The following AXIN2 variants were observed in gnomAD, a reference collection of about 807,000 sequenced individuals.
AXIN2 encodes axin-2.
A neutral mutation model predicts 74.7 loss-of-function variants in AXIN2; 21 were observed. The ratio of observed to expected loss-of-function variants is 0.28; its 90% CI spans 0.20 to 0.40. AXIN2 has a LOEUF of 0.40. AXIN2 is among the 10% of genes least tolerant of loss of function. AXIN2 has a pLI of 1.00. For synonymous variants in AXIN2, 532 were observed against 454.9 expected (o/e 1.17, Z -2.16); for missense variants, 1,144 against 1,111.1 (o/e 1.03, Z -0.42).
intron 2 of AXIN2, among the ~76,000 whole-genome samples, chr17:65,554,447 C>T (rs1344399620): frequency 6.6e-6 from 1 of 152,258 alleles, no homozygotes. Context: ...GGGGCCAGGA[C>T]TCCAACAGCA....
rs931365128 is a variant in AXIN2, at chr17:65,529,641, C to G, written c.*335G>C. ...GATTCCTGTTCAGGTAAGCTATACACAGTTTCTCTTAGTTTATGGATTTCA... is the reference window on the plus strand; with the variant it reads ...GATTCCTGTTCAGGTAAGCTATACAGAGTTTCTCTTAGTTTATGGATTTCA... On this transcript the variant is annotated 3_prime_UTR_variant, in exon 11 of 11. Transcript: ENST00000307078. 4 of 438,930 alleles carry G rather than the reference C, an allele frequency of 9.1e-6. No individual in the cohort carries two copies. The highest frequency in any genetic ancestry group is 3.9e-5 in the African/African-American group (2 of 50,862). 27.2% of individuals were successfully genotyped at this position (438,930 alleles called of 1,614,324 possible). A position where few individuals can be genotyped will look rare whatever the true frequency, so the allele number is the denominator to read the frequency against.
chr17:65,542,538 T>G (rs1192822924), intron 3 of AXIN2, among the ~76,000 whole-genome samples: 1 of 152,210 alleles, frequency 6.6e-6, no homozygotes, highest in African/African-American at 2.4e-5. Context: ...GAAAGGGACC[T>G]TTGGGCAAAG....
chr17:65,550,726 C>T (rs1456793528), intron 2 of AXIN2, among the ~76,000 whole-genome samples: 3 of 152,164 alleles, frequency 2.0e-5, no homozygotes, highest in Non-Finnish European at 4.4e-5. Flanking sequence ...GTAAAGATGG[C>T]CGTGGGGTTG....
In AXIN2 at chr17:65,558,632, T is replaced by G. The variant is rs991912801; in HGVS notation, c.-12A>C. ...ATAGCGCTACTCATGGTGAGGGAGC[T>G]CTTCCCACTGAGTCTGGGAATTTTT... On this transcript the variant is annotated 5_prime_UTR_variant, in exon 2 of 11. Transcript: ENST00000307078. The G allele has an allele frequency of 6.2e-7, 1 of 1,602,614 alleles. No homozygotes were observed. The highest frequency in any genetic ancestry group is 8.5e-7 in the Non-Finnish European group (1 of 1,179,552).
At position 65,558,403 on chromosome 17, in the gene AXIN2, G is replaced by A; in HGVS notation, c.218C>T (p.Ser73Phe). Residue 73 changes from serine to phenylalanine, a missense_variant, in exon 2 of 11, where the codon TCC becomes TTC. This residue lies in a region of AXIN2 where 1,053 missense variants were observed against 973.5 expected (regional missense o/e 1.08). Coordinates refer to ENST00000307078, the MANE Select transcript of AXIN2 (RefSeq NM_004655.4). The stretch of plus-strand genomic sequence containing the variant: ...GGACTTGGTCCACCGGGTCAGAGGG[G>A]AATCCGGAGATGCCCGCCCCTCCGG... The part of the protein sequence containing the change: ...GEPEGRASPD[S>F]PLTRWTKSLH... 6.2e-7 allele frequency: 1 copy of A among 1,604,598 alleles called. No homozygotes were observed. The highest frequency in any genetic ancestry group is 8.5e-7 in the Non-Finnish European group (1 of 1,173,456).
Position 65,537,464 on chromosome 17 carries a change from G to T in AXIN2, c.1572C>A (p.Val524=), listed in dbSNP as rs1567755682. The T allele has an allele frequency of 1.2e-6, 2 of 1,613,884 alleles. No individual in the cohort carries two copies. The highest frequency in any genetic ancestry group is 1.1e-5 in the South Asian group (1 of 91,090). Residue 524 remains valine, a synonymous_variant, in exon 6 of 11, where the codon GTC becomes GTA. Transcript: ENST00000307078. ...CCTCGATCTCCTCCTTGGTCTTGGG[G>T]ACGGCATGGTGGTGGATGTAGTGGT... The part of the protein sequence containing the change: ...VHHHYIHHHA[V]PKTKEEIEAE...
At position 65,538,243 on chromosome 17, in the gene AXIN2, C is replaced by G. The variant is rs2043979107; in HGVS notation, c.1160G>C (p.Ser387Thr). 1 of 1,614,158 alleles carries G rather than the reference C, an allele frequency of 6.2e-7. No homozygotes were observed. Among genetic ancestry groups the G allele is most frequent in the Non-Finnish European group, 8.5e-7 (1 of 1,180,024 alleles). ...RLEKLKLELE[S>T]RHSLEERLQQ... ...CAGGCGCTCCTCCAGGCTGTGGCGG[C>G]TCTCCAACTCCAGCTTCAGCTTTTC... The change falls in exon 5 of 11, where the codon AGC (serine) becomes ACC (threonine). Residue 387 changes from serine (S) to threonine (T), a missense_variant. Ser to Thr is a moderately conservative substitution (Grantham distance 58, BLOSUM62 1). Coordinates refer to ENST00000307078, the MANE Select transcript of AXIN2 (RefSeq NM_004655.4).
At position 65,561,593 on chromosome 17, in the gene AXIN2, A is replaced by T. The variant is rs886053287; in HGVS notation, c.-260T>A. On this transcript the variant is annotated 5_prime_UTR_variant, in exon 1 of 11. Coordinates refer to ENST00000307078, the MANE Select transcript of AXIN2 (RefSeq NM_004655.4). ...ATCAAAGCGCAGCCGGCTCCAGCCG[A>T]CTCCCCCGGGCCAGGCTCGCGGAGC... 3 of 148,332 alleles carry T rather than the reference A, an allele frequency of 2.0e-5. No homozygotes were observed. Among genetic ancestry groups the T allele is most frequent in the African/African-American group, 7.5e-5 (3 of 39,904 alleles). 9.2% of individuals were successfully genotyped at this position (148,332 alleles called of 1,614,324 possible). A position where few individuals can be genotyped will look rare whatever the true frequency, so the allele number is the denominator to read the frequency against.
intron 8 of AXIN2, among the ~76,000 whole-genome samples, 153 bp from the exon 9 acceptor site, chr17:65,535,874 T>C (rs2043903659): frequency 6.6e-6 from 1 of 152,172 alleles, no homozygotes; most frequent in Non-Finnish European, 1.5e-5. Context: ...GGGTTAACAG[T>C]GGCTGAAGAG....
intron 10 of AXIN2, among the ~76,000 whole-genome samples, chr17:65,533,260 G>A (rs1195694661): frequency 6.6e-6 from 1 of 152,210 alleles, no homozygotes; most frequent in East Asian, 1.9e-4. Context: ...CCCAGGCCTG[G>A]ACAGGAGGAG....
rs892170131 is a variant in AXIN2 at position 65,528,601 on chromosome 17, T to C, written c.*1375A>G. 4 of 485,754 alleles carry C rather than the reference T, an allele frequency of 8.2e-6. No individual in the cohort carries two copies. Among genetic ancestry groups the C allele is most frequent in the African/African-American group, 5.9e-5 (3 of 50,630 alleles). The allele number at this position is 485,754 out of a possible 1,614,324, so 30.1% of individuals were successfully genotyped here. Reference sequence around the variant, plus strand: ...AAAATTTTAATAAAGGCTACATCTCTTAATTACAATAATTATTGTACCAAG... The same window carrying C: ...AAAATTTTAATAAAGGCTACATCTCCTAATTACAATAATTATTGTACCAAG... On this transcript the variant is annotated 3_prime_UTR_variant, in exon 11 of 11. Transcript: ENST00000307078.
rs1555583645 is a variant in AXIN2, at chr17:65,558,412, G to A, written c.209C>T (p.Ser70Phe). 4.4e-6 allele frequency: 7 copies of A among 1,603,000 alleles called. No individual in the cohort carries two copies. Among genetic ancestry groups the A allele is most frequent in the Non-Finnish European group, 4.3e-6 (5 of 1,172,642 alleles). The change falls in exon 2 of 11, where the codon TCT (serine) becomes TTT (phenylalanine). Residue 70 changes from serine (S) to phenylalanine (F), a missense_variant. Transcript: ENST00000307078. Reference protein sequence around the residue: ...DGLGEPEGRASPDSPLTRWTK... With the variant: ...DGLGEPEGRAFPDSPLTRWTK... ...CCACCGGGTCAGAGGGGAATCCGGA[G>A]ATGCCCGCCCCTCCGGCTCCCCCAA... is the stretch of plus-strand genomic sequence containing the variant.
In AXIN2 at chr17:65,537,019, G is replaced by A. The variant is rs1598097941; in HGVS notation, c.1757C>T (p.Thr586Met). 1.9e-6 allele frequency: 3 copies of A among 1,610,462 alleles called. No individual in the cohort carries two copies. The highest frequency in any genetic ancestry group is 4.5e-5 in the East Asian group (2 of 44,868). Reference protein sequence around the residue: ...STLPKRNGKGTEPGLALPARE... With the variant: ...STLPKRNGKGMEPGLALPARE... Reference sequence around the variant, plus strand: ...GGCGGGCAGGGCCAGGCCCGGCTCCGTGCCTTTCCCATTGCGTTTGGGCAA... The same window carrying A: ...GGCGGGCAGGGCCAGGCCCGGCTCCATGCCTTTCCCATTGCGTTTGGGCAA... Residue 586 changes from threonine to methionine, a missense_variant, in exon 7 of 11, where the codon ACG becomes ATG. Thr to Met is a moderately conservative substitution (Grantham distance 81, BLOSUM62 -1). Transcript: ENST00000307078.
chr17:65,536,283 T>TC (rs1467622495), intron 8 of AXIN2, 37 bp downstream of exon 8: 2 of 1,566,132 alleles, frequency 1.3e-6, no homozygotes, highest in East Asian at 2.3e-5. Flanking sequence ...CCAAACCCAA[T>TC]CCCTGCCTCA....
intron 10 of AXIN2, among the ~76,000 whole-genome samples, chr17:65,532,154 C>T (rs1001217017): frequency 6.6e-6 from 1 of 151,818 alleles, no homozygotes; most frequent in Non-Finnish European, 1.5e-5. Flanking sequence ...TTGTGCAAGT[C>T]TTTGTGCATT....
chr17:65,558,394 G>C lies in AXIN2; in HGVS notation c.227C>G (p.Thr76Ser), dbSNP rs730881402. The change falls in exon 2 of 11, where the codon ACC (threonine) becomes AGC (serine). Residue 76 changes from threonine (T) to serine (S), a missense_variant. Coordinates refer to ENST00000307078, the MANE Select transcript of AXIN2 (RefSeq NM_004655.4). ...GGAGTGTAAGGACTTGGTCCACCGGGTCAGAGGGGAATCCGGAGATGCCCG... is the reference window on the plus strand; with the variant it reads ...GGAGTGTAAGGACTTGGTCCACCGGCTCAGAGGGGAATCCGGAGATGCCCG... ...EGRASPDSPL[T>S]RWTKSLHSLL... 4.4e-6 allele frequency: 7 copies of C among 1,607,090 alleles called. No individual in the cohort carries two copies. The highest frequency in any genetic ancestry group is 1.7e-5 in the Admixed American group (1 of 59,716).
Position 65,558,411 on chromosome 17 carries a change from A to C in AXIN2, c.210T>G (p.Ser70=). 1.2e-6 allele frequency: 2 copies of C among 1,603,122 alleles called. No individual in the cohort carries two copies. The highest frequency in any genetic ancestry group is 1.7e-6 in the Non-Finnish European group (2 of 1,172,648). The change falls in exon 2 of 11, where the codon TCT becomes TCG. Residue 70 remains serine, a synonymous_variant. Transcript: ENST00000307078. ...DGLGEPEGRA[S]PDSPLTRWTK... is the part of the protein sequence containing the mutation. ...TCCACCGGGTCAGAGGGGAATCCGG[A>C]GATGCCCGCCCCTCCGGCTCCCCCA... is the stretch of plus-strand genomic sequence containing the variant.
At chr17:65,560,470 A>G (rs2044350007) in intron 1 of AXIN2, 1 of 150,112 alleles carries the variant, frequency 6.7e-6, no homozygotes, top group African/African-American at 2.5e-5. Flanking sequence ...CTTTCATCCC[A>G]CCTCCCAAAG....
chr17:65,548,903 A>G (rs1375909096), intron 3 of AXIN2, among the ~76,000 whole-genome samples: 1 of 152,246 alleles, frequency 6.6e-6, no homozygotes, highest in African/African-American at 2.4e-5. Flanking sequence ...CTTTGGAGAG[A>G]GCCCCTACTT....
Sources: gnomAD v4.1 joint callset for allele counts (sites outside exome capture counted in the v4.1 genomes callset) on GRCh38, gnomAD v4.1.1 for gene constraint, gnomAD v4.1.1 regional missense constraint, MANE v1.5 for transcripts, NCBI Gene and HGNC (gene_info 2026-07-23, HGNC 2026-07-21) for gene names.